Variants in GRM1 observed in about 807,000 individuals in gnomAD.
The protein encoded by GRM1 is glutamate metabotropic receptor 1.
GRM1 carries 33 observed loss-of-function variants against 90.9 expected under a neutral mutation model. The ratio of observed to expected loss-of-function variants is 0.36; its 90% confidence interval spans 0.28 to 0.49. The LOEUF (loss-of-function observed/expected upper bound fraction) is 0.49, where lower values mean the gene tolerates loss of function less well. Among genes scored for constraint, GRM1 ranks in the 20% least tolerant of loss-of-function variants. GRM1 has a pLI of 0.99. For missense variants in GRM1, 1,190 were observed against 1,534.3 expected, an observed-to-expected ratio of 0.78 and a Z score of 3.75; for synonymous variants, 700 against 613.2, an observed-to-expected ratio of 1.14 and a Z score of -2.09.
intron 2 of GRM1, among the ~76,000 whole-genome samples, chr6:146,177,667 T>A (rs1018319206): frequency 2.6e-5 from 4 of 152,158 alleles, no homozygotes; most frequent in Non-Finnish European, 5.9e-5. Flanking sequence ...TCACTGAATT[T>A]TTTTTCTTTT....
intron 5 of GRM1, 96 bp downstream of exon 5, chr6:146,357,790 G>A: frequency 1.0e-6 from 1 of 995,284 alleles, no homozygotes; most frequent in South Asian, 1.4e-5. Context: ...AAACATAACT[G>A]TCTAGAAAGG....
chr6:146,286,988 A>G (rs1354218317), intron 2 of GRM1, among the ~76,000 whole-genome samples: 1 of 152,226 alleles, frequency 6.6e-6, no homozygotes, highest in Admixed American at 6.5e-5. Flanking sequence ...GGCAAGATGA[A>G]CAATGATTCT....
At chr6:146,065,507 C>T (rs182654291) in intron 1 of GRM1, among the ~76,000 whole-genome samples, 1 of 152,268 alleles carries the variant, frequency 6.6e-6, no homozygotes, top group African/African-American at 2.4e-5. Flanking sequence ...CTGACAAGTA[C>T]ATGAGATAAT....
intron 1 of GRM1, among the ~76,000 whole-genome samples, chr6:146,158,801 G>A (rs1163460054): frequency 6.6e-6 from 1 of 152,178 alleles, no homozygotes; most frequent in Non-Finnish European, 1.5e-5. Context: ...TTTGTCAGAG[G>A]ATGGTGGATT....
At chr6:146,410,761 G>T (rs970604567) in intron 7 of GRM1, among the ~76,000 whole-genome samples, 3 of 152,046 alleles carry the variant, frequency 2.0e-5, no homozygotes. Flanking sequence ...AAGAGATTTG[G>T]AGGCAAACAA....
intron 1 of GRM1, among the ~76,000 whole-genome samples, chr6:146,101,153 A>G (rs1353772491): frequency 2.6e-5 from 4 of 152,296 alleles, no homozygotes; most frequent in Middle Eastern, 6.8e-3. Context: ...TGAATTTGCT[A>G]TATATTTCAT....
chr6:146,056,600 G>A (rs955204679), intron 1 of GRM1, among the ~76,000 whole-genome samples: 1 of 152,036 alleles, frequency 6.6e-6, no homozygotes, highest in African/African-American at 2.4e-5. Flanking sequence ...GGCATGTCAC[G>A]CTTTTACTCA....
At chr6:146,050,557 A>G (rs1342109355) in intron 1 of GRM1, among the ~76,000 whole-genome samples, 2 of 152,094 alleles carry the variant, frequency 1.3e-5, no homozygotes, top group African/African-American at 4.8e-5. Flanking sequence ...TATTTCTAAA[A>G]ACAAGGGATA....
At chr6:146,339,817 A>G (rs1383050545) in intron 3 of GRM1, among the ~76,000 whole-genome samples, 1 of 152,216 alleles carries the variant, frequency 6.6e-6, no homozygotes, top group East Asian at 1.9e-4. Context: ...GCCCTCAGCT[A>G]TCCTTTCCCT....
At chr6:146,093,780 C>T (rs1776789804) in intron 1 of GRM1, among the ~76,000 whole-genome samples, 1 of 152,012 alleles carries the variant, frequency 6.6e-6, no homozygotes, top group Admixed American at 6.6e-5. Flanking sequence ...CAAAGAGCCA[C>T]TCTCCTTAGG....
chr6:146,311,076 A>G (rs1409498078), intron 3 of GRM1, among the ~76,000 whole-genome samples: 1 of 152,178 alleles, frequency 6.6e-6, no homozygotes, highest in Non-Finnish European at 1.5e-5. Context: ...CCTCAACCCA[A>G]TAGTAGAATG....
intron 7 of GRM1, among the ~76,000 whole-genome samples, chr6:146,430,492 G>A (rs937969516): frequency 6.6e-6 from 1 of 152,160 alleles, no homozygotes; most frequent in Non-Finnish European, 1.5e-5. Context: ...CAATTATGTG[G>A]TGTTTTCTAA....
chr6:146,203,693 A>C (rs1779398559), intron 2 of GRM1, among the ~76,000 whole-genome samples: 1 of 152,250 alleles, frequency 6.6e-6, no homozygotes, highest in Non-Finnish European at 1.5e-5. Context: ...CCTAAAGCAC[A>C]GTATGTATAG....
Position 146,169,677 on chromosome 6 carries a change from G to A in GRM1, c.950+10080G>A, listed in dbSNP as rs1259008730. 7.6e-4 allele frequency among the ~76,000 whole-genome samples: 116 copies of A among 152,258 alleles called. 1 individual carries two copies. Among genetic ancestry groups the A allele is most frequent in the Non-Finnish European group, 5.9e-5 (4 of 68,016 alleles). ...TGAATTTCCCCCGCCCTGTTCTGCA[G>A]CCTAGAGACTACCACCAGACAGTAA... is the stretch of plus-strand genomic sequence containing the variant. On this transcript the variant is annotated intron_variant, in intron 2 of 7. Transcript: ENST00000282753.
At chr6:146,343,979 A>T (rs1785080569) in intron 3 of GRM1, among the ~76,000 whole-genome samples, 1 of 152,168 alleles carries the variant, frequency 6.6e-6, no homozygotes, top group African/African-American at 2.4e-5. Flanking sequence ...ATTCGGTGAA[A>T]AGAGCTAGGT....
intron 1 of GRM1, among the ~76,000 whole-genome samples, chr6:146,146,922 T>C (rs1777131233): frequency 1.3e-5 from 2 of 152,232 alleles, no homozygotes; most frequent in South Asian, 4.1e-4. Context: ...TCTTCATATT[T>C]GACCCTCCAT....
chr6:146,088,105 T>C (rs1776604917), intron 1 of GRM1, among the ~76,000 whole-genome samples: 1 of 152,200 alleles, frequency 6.6e-6, no homozygotes, highest in African/African-American at 2.4e-5. Context: ...GCATTGGTTC[T>C]GTCACTATTT....
intron 2 of GRM1, among the ~76,000 whole-genome samples, chr6:146,288,638 T>C (rs1400547983): frequency 5.3e-5 from 8 of 151,232 alleles, no homozygotes; most frequent in Non-Finnish European, 1.2e-4. Flanking sequence ...CCTGAGTAGC[T>C]GGGATTACAG....
intron 1 of GRM1, among the ~76,000 whole-genome samples, chr6:146,148,521 T>C (rs2128887020): frequency 6.6e-6 from 1 of 152,282 alleles, no homozygotes; most frequent in African/African-American, 2.4e-5. Flanking sequence ...TTTGCATGCA[T>C]TATTTTTATA....
Sources: gnomAD v4.1 joint callset for allele counts (sites outside exome capture counted in the v4.1 genomes callset) on GRCh38, gnomAD v4.1.1 for gene constraint, MANE v1.5 for transcripts, NCBI Gene and HGNC (gene_info 2026-07-23, HGNC 2026-07-21) for gene names.